The following PCDHA1 variants were observed in gnomAD, a reference collection of about 807,000 sequenced individuals.
PCDHA1 encodes the protein protocadherin alpha 1, also known as protocadherin alpha-1.
Under a neutral mutation model 61.3 loss-of-function variants are expected in PCDHA1, and 42 were observed. The observed-to-expected ratio is 0.69, with a 90% CI of 0.54 to 0.89. PCDHA1 has a LOEUF of 0.89. Ranked by LOEUF, PCDHA1 falls within the 40% of genes least tolerant of loss-of-function variation. The probability of loss-of-function intolerance (pLI) is 0.00; values close to 1 mark genes in which losing one functional copy is unlikely to be tolerated. For missense variants in PCDHA1, 1,256 were observed against 1,235.3 expected, an observed-to-expected ratio of 1.02 and a Z score of -0.25; for synonymous variants, 610 against 553.8, an observed-to-expected ratio of 1.10 and a Z score of -1.43.
intron 3 of PCDHA1, among the ~76,000 whole-genome samples, chr5:140,996,539 A>G (rs1023035245): frequency 2.6e-5 from 4 of 152,170 alleles, no homozygotes; most frequent in South Asian, 4.1e-4. Flanking sequence ...GTGTTTTGAT[A>G]TTATGCTGTC....
chr5:140,946,162 A>C (rs2093896348), intron 1 of PCDHA1, among the ~76,000 whole-genome samples: 1 of 152,080 alleles, frequency 6.6e-6, no homozygotes, highest in Non-Finnish European at 1.5e-5. Context: ...GATTTAAAAG[A>C]TGGGTAAAGG....
At chr5:140,949,336 A>G (rs1585327315) in intron 1 of PCDHA1, among the ~76,000 whole-genome samples, 1 of 151,920 alleles carries the variant, frequency 6.6e-6, no homozygotes, top group South Asian at 2.1e-4. Context: ...ATTGTTATCC[A>G]GATTTTCTGT....
At chr5:140,823,596 G>C in intron 1 of PCDHA1, 1 of 1,614,020 alleles carries the variant, frequency 6.2e-7, no homozygotes, top group Non-Finnish European at 8.5e-7. Context: ...CTTGGCTTTC[G>C]TATGAGCTGC....
intron 3 of PCDHA1, among the ~76,000 whole-genome samples, chr5:141,007,174 G>A (rs926344346): frequency 6.6e-6 from 1 of 152,118 alleles, no homozygotes; most frequent in African/African-American, 2.4e-5. Context: ...AGAGAGAAAG[G>A]TCAGGAGAAT....
intron 1 of PCDHA1, chr5:140,812,284 GA>G (rs1554125942): frequency 1.3e-5 from 2 of 151,872 alleles, no homozygotes; most frequent in Non-Finnish European, 2.9e-5. Flanking sequence ...CTAGGTTATT[GA>G]ATTTTTTGGT....
chr5:140,801,966 A>C, intron 1 of PCDHA1: 2 of 1,614,214 alleles, frequency 1.2e-6, no homozygotes, highest in African/African-American at 1.3e-5. Flanking sequence ...AAATGCACCA[A>C]ATGGTACCCT....
In PCDHA1 at chr5:140,841,904, G is replaced by C. The variant is rs2150325203; in HGVS notation, c.2394+53220G>C. On this transcript the variant is annotated intron_variant, in intron 1 of 3. Coordinates refer to ENST00000504120, the MANE Select transcript of PCDHA1 (RefSeq NM_018900.4). ...CGATGAGAATAAACTGGTTGAGCTCGTATTAAGAAAATCCTTGGACAGAGA... is the reference window on the plus strand; with the variant it reads ...CGATGAGAATAAACTGGTTGAGCTCCTATTAAGAAAATCCTTGGACAGAGA... 40 of 1,613,742 alleles carry C rather than the reference G, an allele frequency of 2.5e-5. 1 individual carries two copies. Among genetic ancestry groups the C allele is most frequent in the Non-Finnish European group, 3.2e-5 (38 of 1,179,858 alleles).
rs1761293016 is a variant in PCDHA1, at chr5:140,786,255, A to G, written c.-36A>G. On this transcript the variant is annotated 5_prime_UTR_variant, in exon 1 of 4. An upstream open reading frame in the 5' UTR loses its in-frame stop. Transcript: ENST00000504120. Reference sequence around the variant, plus strand: ...AGATAAAATGGCATGATTTTGAAGTAAGAGGAGAGCATAAGAAAGGTGTAG... The same window carrying G: ...AGATAAAATGGCATGATTTTGAAGTGAGAGGAGAGCATAAGAAAGGTGTAG... The G allele has an allele frequency of 1.3e-6, 2 of 1,538,078 alleles. No homozygotes were observed. The highest frequency in any genetic ancestry group is 2.8e-5 in the African/African-American group (2 of 72,254).
At chr5:140,937,238 C>T (rs1339814732) in intron 1 of PCDHA1, among the ~76,000 whole-genome samples, 1 of 151,920 alleles carries the variant, frequency 6.6e-6, no homozygotes, top group Admixed American at 6.6e-5. Flanking sequence ...GGGGTTTCAC[C>T]GTGTTAGCCA....
At chr5:140,795,097 G>T in intron 1 of PCDHA1, 1 of 1,614,018 alleles carries the variant, frequency 6.2e-7, no homozygotes. Flanking sequence ...CGGCACCTTC[G>T]TGGGCCGCAT....
chr5:140,898,358 A>T (rs2153460143), intron 1 of PCDHA1, among the ~76,000 whole-genome samples: 1 of 152,260 alleles, frequency 6.6e-6, no homozygotes, highest in Non-Finnish European at 1.5e-5. Flanking sequence ...TCTTGAATTA[A>T]TTTTTGTATA....
chr5:140,877,730 A>G (rs782465464), intron 1 of PCDHA1: 1 of 1,614,146 alleles, frequency 6.2e-7, no homozygotes, highest in Non-Finnish European at 8.5e-7. Flanking sequence ...TACTCGCAGC[A>G]GAGGAGGCAG....
chr5:140,972,754 C>T (rs782389999), intron 1 of PCDHA1, among the ~76,000 whole-genome samples: 1 of 151,316 alleles, frequency 6.6e-6, no homozygotes, highest in African/African-American at 2.4e-5. Flanking sequence ...ACCTCCGCCT[C>T]CCAAGTTAAA....
At chr5:140,894,193 T>G (rs1481492058) in intron 1 of PCDHA1, among the ~76,000 whole-genome samples, 1 of 152,170 alleles carries the variant, frequency 6.6e-6, no homozygotes, top group Non-Finnish European at 1.5e-5. Context: ...TATATATTTT[T>G]TCTATGCTAT....
chr5:140,929,549 T>G, intron 1 of PCDHA1: 1 of 500,966 alleles, frequency 2.0e-6, no homozygotes, highest in Non-Finnish European at 3.3e-6. Context: ...GGGCAAAAAT[T>G]AAAACCTATT....
chr5:141,001,520 C>G (rs542518188), intron 3 of PCDHA1, among the ~76,000 whole-genome samples: 1 of 152,300 alleles, frequency 6.6e-6, no homozygotes, highest in South Asian at 2.1e-4. Flanking sequence ...CTTTCTCCCT[C>G]TCTCTCTGAT....
At chr5:140,897,803 C>G (rs1285512803) in intron 1 of PCDHA1, among the ~76,000 whole-genome samples, 1 of 152,130 alleles carries the variant, frequency 6.6e-6, no homozygotes, top group Non-Finnish European at 1.5e-5. Context: ...AGAGTCCCAC[C>G]AACAGTGTAA....
chr5:140,841,876 G>A lies in PCDHA1; in HGVS notation c.2394+53192G>A, dbSNP rs2150324572. 2.5e-6 allele frequency: 4 copies of A among 1,613,836 alleles called. No homozygotes were observed. The South Asian group carries it at 4.4e-5, about 18-fold the overall frequency. On this transcript the variant is annotated intron_variant, in intron 1 of 3. Transcript: ENST00000504120. Reference sequence around the variant, plus strand: ...ACTTCATGCTAGATGTGAATTCAAAGAACGATGAGAATAAACTGGTTGAGC... The same window carrying A: ...ACTTCATGCTAGATGTGAATTCAAAAAACGATGAGAATAAACTGGTTGAGC...
chr5:140,842,686 C>T lies in PCDHA1; in HGVS notation c.2394+54002C>T, dbSNP rs2150342048. Reference sequence around the variant, plus strand: ...ACGTGAACGACAATGCTCCGGCGTTCGCGCAGCCCGAGTACACGGTGTTCG... The same window carrying T: ...ACGTGAACGACAATGCTCCGGCGTTTGCGCAGCCCGAGTACACGGTGTTCG... On this transcript the variant is annotated intron_variant, in intron 1 of 3. Transcript: ENST00000504120. 1.9e-6 allele frequency: 3 copies of T among 1,595,316 alleles called. 1 individual carries two copies. The South Asian group carries it at 3.3e-5, about 18-fold the overall frequency.
Sources: gnomAD v4.1 joint callset for allele counts (sites outside exome capture counted in the v4.1 genomes callset) on GRCh38, gnomAD v4.1.1 for gene constraint, MANE v1.5 for transcripts, NCBI Gene and HGNC (gene_info 2026-07-23, HGNC 2026-07-21) for gene names.